BCKDHB: variants seen among roughly 807,000 people sequenced by gnomAD.
BCKDHB encodes 2-oxoisovalerate dehydrogenase subunit beta, mitochondrial.
BCKDHB carries 41 observed loss-of-function variants against 48.5 expected under a neutral mutation model. That is an observed-to-expected ratio of 0.85 (90% CI 0.66 to 1.10). The LOEUF (loss-of-function observed/expected upper bound fraction) is 1.10, where lower values mean the gene tolerates loss of function less well. BCKDHB is among the 50% of genes least tolerant of loss of function. BCKDHB has a pLI of 0.00. For missense variants in BCKDHB, 496 were observed against 494.2 expected (o/e 1.00, Z -0.03); for synonymous variants, 201 against 174.8 (o/e 1.15, Z -1.18).
chr6:80,158,311 T>A (rs1772149795), intron 3 of BCKDHB, among the ~76,000 whole-genome samples: 2 of 152,196 alleles, frequency 1.3e-5, no homozygotes, highest in Admixed American at 1.3e-4. Flanking sequence ...CTTTAATTTG[T>A]CTCTTAGCCA....
At chr6:80,440,233 GGT>G in the BCKDHB span, among the ~76,000 whole-genome samples, 1 of 152,120 alleles carries the variant, frequency 6.6e-6, no homozygotes, top group Non-Finnish European at 1.5e-5. Flanking sequence ...TCATAAAGAA[GGT>G]AGTCTGTGAA....
At chr6:80,278,599 G>A (rs542550085) in intron 9 of BCKDHB, among the ~76,000 whole-genome samples, 3 of 151,916 alleles carry the variant, frequency 2.0e-5, no homozygotes, top group Middle Eastern at 3.4e-3. Context: ...TCGCTCTGTC[G>A]CCCAGGCTGG....
chr6:80,168,606 A>AAGGAAGGAAGG (rs1264212476), intron 4 of BCKDHB, among the ~76,000 whole-genome samples: 14 of 108,760 alleles, frequency 1.3e-4, no homozygotes, highest in Admixed American at 3.5e-4. Flanking sequence ...GGAAGGAAGA[A>AAGGAAGGAAGG]AGGAAGGAAG....
At chr6:80,195,827 A>G (rs1774105238) in intron 6 of BCKDHB, among the ~76,000 whole-genome samples, 1 of 152,198 alleles carries the variant, frequency 6.6e-6, no homozygotes, top group Non-Finnish European at 1.5e-5. Flanking sequence ...CTGAATTTTA[A>G]CAAACCAGAC....
chr6:80,413,475 A>T, the BCKDHB span, among the ~76,000 whole-genome samples: 1 of 152,088 alleles, frequency 6.6e-6, no homozygotes, highest in East Asian at 1.9e-4. Context: ...GATAGGCTCC[A>T]GTGTGTGTTG....
At chr6:80,244,217 C>T (rs1321353653) in intron 8 of BCKDHB, among the ~76,000 whole-genome samples, 2 of 152,132 alleles carry the variant, frequency 1.3e-5, no homozygotes, top group African/African-American at 4.8e-5. Context: ...TGGAAGGGCA[C>T]AGTCTGGGGA....
chr6:80,359,843 G>A, the BCKDHB span, among the ~76,000 whole-genome samples: 1 of 152,264 alleles, frequency 6.6e-6, no homozygotes, highest in South Asian at 2.1e-4. Flanking sequence ...TGCCCACCTT[G>A]GCCTCCGAAG....
At chr6:80,387,077 G>A in the BCKDHB span, among the ~76,000 whole-genome samples, 1 of 152,174 alleles carries the variant, frequency 6.6e-6, no homozygotes, top group Non-Finnish European at 1.5e-5. Context: ...GACATGCTCT[G>A]AGCTGACATT....
At chr6:80,133,591 A>C (rs1373391139) in intron 3 of BCKDHB, among the ~76,000 whole-genome samples, 2 of 152,124 alleles carry the variant, frequency 1.3e-5, no homozygotes, top group East Asian at 1.9e-4. Context: ...AGTTAAAGGT[A>C]GTTGATTTGT....
the BCKDHB span, among the ~76,000 whole-genome samples, chr6:80,372,654 A>G: frequency 1.3e-5 from 2 of 152,144 alleles, no homozygotes; most frequent in African/African-American, 2.4e-5. Flanking sequence ...GGTTTTAATC[A>G]TAAAGGGATG....
chr6:80,325,587 T>A (rs554929926), intron 9 of BCKDHB, among the ~76,000 whole-genome samples: 3 of 152,350 alleles, frequency 2.0e-5, no homozygotes, highest in Admixed American at 6.5e-5. Context: ...ACAATGTAAA[T>A]GACACATGTT....
the BCKDHB span, among the ~76,000 whole-genome samples, chr6:80,361,105 C>T: frequency 8.5e-4 from 129 of 152,200 alleles, no homozygotes; most frequent in Non-Finnish European, 1.1e-3. Flanking sequence ...TTCCAGGGGC[C>T]TCCCGGTATC....
chr6:80,328,201 G>A lies in BCKDHB; in HGVS notation c.1039-15463G>A, dbSNP rs976785969. 2.0e-5 allele frequency among the ~76,000 whole-genome samples: 3 copies of A among 152,136 alleles called. No homozygotes were observed. In the East Asian group the frequency reaches 5.8e-4, roughly 29 times the overall value. ...GCAGGTAAACTTTGATTTGTTGAATGCCTGCTTTGTGCCAGACATTGCATG... is the reference window on the plus strand; with the variant it reads ...GCAGGTAAACTTTGATTTGTTGAATACCTGCTTTGTGCCAGACATTGCATG... On this transcript the variant is annotated intron_variant, in intron 9 of 9. Coordinates refer to ENST00000320393, the MANE Select transcript of BCKDHB (RefSeq NM_183050.4).
At chr6:80,222,642 C>T (rs750352386) in intron 8 of BCKDHB, among the ~76,000 whole-genome samples, 12 of 151,992 alleles carry the variant, frequency 7.9e-5, no homozygotes, top group East Asian at 1.9e-4. Flanking sequence ...TTAGTGTTCC[C>T]GTGGCATTTT....
the BCKDHB span, among the ~76,000 whole-genome samples, chr6:80,408,173 T>A: frequency 6.6e-6 from 1 of 152,198 alleles, no homozygotes; most frequent in Non-Finnish European, 1.5e-5. Flanking sequence ...TTTGCATATG[T>A]TGAACCAGGC....
chr6:80,404,758 C>T, the BCKDHB span, among the ~76,000 whole-genome samples: 2 of 151,748 alleles, frequency 1.3e-5, no homozygotes, highest in Non-Finnish European at 2.9e-5. Context: ...ATATGTGTTG[C>T]CATTTTTATT....
chr6:80,339,502 G>T (rs896454005), intron 9 of BCKDHB, among the ~76,000 whole-genome samples: 4 of 152,148 alleles, frequency 2.6e-5, no homozygotes, highest in Non-Finnish European at 5.9e-5. Flanking sequence ...TAATGATTTG[G>T]AATTGTTATT....
chr6:80,407,838 C>A, the BCKDHB span, among the ~76,000 whole-genome samples: 1 of 152,066 alleles, frequency 6.6e-6, no homozygotes, highest in African/African-American at 2.4e-5. Context: ...TAATTGAATA[C>A]CCTTTATTTC....
intron 1 of BCKDHB, among the ~76,000 whole-genome samples, chr6:80,120,651 A>G (rs1325631544): frequency 6.6e-6 from 1 of 152,136 alleles, no homozygotes; most frequent in Non-Finnish European, 1.5e-5. Context: ...TTGGCTGCAT[A>G]GATGTCTTGT....
Sources: gnomAD v4.1 joint callset for allele counts (sites outside exome capture counted in the v4.1 genomes callset) on GRCh38, gnomAD v4.1.1 for gene constraint, MANE v1.5 for transcripts, NCBI Gene and HGNC (gene_info 2026-07-23, HGNC 2026-07-21) for gene names.